Variants in CHD9NB observed in about 807,000 individuals in gnomAD.
CHD9NB encodes CHD9 neighbor, also known as CHD9 neighbor protein.
At chr16:53,049,324 G>T in the CHD9NB span, among the ~76,000 whole-genome samples, 14 of 30,730 alleles carry the variant, frequency 4.6e-4, no homozygotes, top group East Asian at 7.1e-3. Context: ...CCCAGCTGTT[G>T]TGTGTGTGTG....
the CHD9NB span, among the ~76,000 whole-genome samples, chr16:53,041,751 A>G: frequency 2.0e-5 from 3 of 151,686 alleles, no homozygotes; most frequent in Non-Finnish European, 2.9e-5. Context: ...TTCCACTAGT[A>G]GGGAGGAGGG....
the CHD9NB span, among the ~76,000 whole-genome samples, chr16:53,051,725 A>T: frequency 6.8e-6 from 1 of 146,778 alleles, no homozygotes; most frequent in Non-Finnish European, 1.5e-5. Context: ...ATATGTAACA[A>T]ACCTGCACAT....
At chr16:53,040,054 G>A in the CHD9NB span, among the ~76,000 whole-genome samples, 1 of 151,894 alleles carries the variant, frequency 6.6e-6, no homozygotes, top group Admixed American at 6.6e-5. Context: ...TAAAATACAA[G>A]GCACTTCATG....
chr16:53,045,652 G>T, the CHD9NB span, among the ~76,000 whole-genome samples: 1 of 152,210 alleles, frequency 6.6e-6, no homozygotes, highest in African/African-American at 2.4e-5. Context: ...AGCAGTCAAA[G>T]GTGACATTGA....
At chr16:53,041,803 A>T in the CHD9NB span, among the ~76,000 whole-genome samples, 2 of 151,144 alleles carry the variant, frequency 1.3e-5, no homozygotes, top group Non-Finnish European at 2.9e-5. Flanking sequence ...AATTGAAAGG[A>T]GTTCCCAGAG....
the CHD9NB span, among the ~76,000 whole-genome samples, chr16:53,051,349 GC>G: frequency 6.6e-6 from 1 of 152,010 alleles, no homozygotes; most frequent in Non-Finnish European, 1.5e-5. Flanking sequence ...GAACAAGAAA[GC>G]AAAAGGGATA....
the CHD9NB span, among the ~76,000 whole-genome samples, chr16:53,051,429 CT>C: frequency 6.6e-6 from 1 of 151,950 alleles, no homozygotes; most frequent in Non-Finnish European, 1.5e-5. Context: ...TCATGGAGTA[CT>C]ATGCAGCCAT....
the CHD9NB span, among the ~76,000 whole-genome samples, chr16:53,046,195 G>C: frequency 2.0e-5 from 3 of 152,102 alleles, no homozygotes; most frequent in South Asian, 6.2e-4. Flanking sequence ...TGGATATTGG[G>C]ATCCAGGGCC....
At chr16:53,043,635 A>C in the CHD9NB span, 1 of 168,240 alleles carries the variant, frequency 5.9e-6, no homozygotes, top group African/African-American at 2.4e-5. Flanking sequence ...TGACTTCAGG[A>C]AAGCCAGGCA....
At chr16:53,045,451 G>A in the CHD9NB span, among the ~76,000 whole-genome samples, 1 of 152,162 alleles carries the variant, frequency 6.6e-6, no homozygotes, top group African/African-American at 2.4e-5. Flanking sequence ...TATGGAACTG[G>A]AGTTTGGAAC....
the CHD9NB span, among the ~76,000 whole-genome samples, chr16:53,051,019 C>G: frequency 6.6e-6 from 1 of 152,030 alleles, no homozygotes; most frequent in Non-Finnish European, 1.5e-5. Context: ...TCCTGAGTAG[C>G]TGGGACTACA....
At chr16:53,052,212 CA>C in the CHD9NB span, among the ~76,000 whole-genome samples, 1 of 135,810 alleles carries the variant, frequency 7.4e-6, no homozygotes, top group East Asian at 2.1e-4. Flanking sequence ...AAAAAAAAAA[CA>C]ATAAACCCCA....
the CHD9NB span, among the ~76,000 whole-genome samples, chr16:53,050,064 C>T: frequency 6.6e-6 from 1 of 151,846 alleles, no homozygotes; most frequent in South Asian, 2.1e-4. Flanking sequence ...ATTAGCCAGT[C>T]GTGGTGGTAG....
chr16:53,046,546 G>T, the CHD9NB span, among the ~76,000 whole-genome samples: 1 of 151,944 alleles, frequency 6.6e-6, no homozygotes, highest in African/African-American at 2.4e-5. Context: ...TTAGATGAGC[G>T]TGGTGGGGCA....
the CHD9NB span, among the ~76,000 whole-genome samples, chr16:53,050,885 T>A: frequency 1.4e-5 from 2 of 147,322 alleles, no homozygotes; most frequent in Admixed American, 6.7e-5. Flanking sequence ...CCACAGAGGA[T>A]CCTCACCCTC....
At chr16:53,049,322 T>TTGTGTGTGTGTGTGTG in the CHD9NB span, among the ~76,000 whole-genome samples, 13 of 145,000 alleles carry the variant, frequency 9.0e-5, no homozygotes, top group African/African-American at 3.1e-4. Context: ...CCCCCAGCTG[T>TTGTGTGTGTGTGTGTG]TGTGTGTGTG....
the CHD9NB span, among the ~76,000 whole-genome samples, chr16:53,037,404 A>AT: frequency 1.3e-5 from 2 of 151,992 alleles, no homozygotes; most frequent in Admixed American, 6.6e-5. Context: ...GTTAACAAGG[A>AT]TTTTTTTTCC....
chr16:53,051,795 ATATATATATATATAT>A, the CHD9NB span, among the ~76,000 whole-genome samples: 4 of 86,920 alleles, frequency 4.6e-5, no homozygotes, highest in Non-Finnish European at 9.1e-5. Context: ...ATATATATAT[ATATATATATATATAT>A]AATGAGTACC....
At chr16:53,045,752 A>G in the CHD9NB span, among the ~76,000 whole-genome samples, 1 of 152,188 alleles carries the variant, frequency 6.6e-6, no homozygotes, top group Non-Finnish European at 1.5e-5. Flanking sequence ...ACACAGTCCT[A>G]CAAGGAAGTA....
Sources: allele counts gnomAD v4.1 joint callset (sites outside exome capture counted in the v4.1 genomes callset), GRCh38; gene constraint gnomAD v4.1.1; transcripts MANE v1.5; gene names NCBI Gene and HGNC (gene_info 2026-07-23, HGNC 2026-07-21).